The following ITGA9 variants were observed in gnomAD, a reference collection of about 807,000 sequenced individuals.
ITGA9 encodes the protein integrin subunit alpha 9, also known as integrin alpha-9.
ITGA9 carries 56 observed loss-of-function variants against 127.8 expected under a neutral mutation model. The observed-to-expected ratio is 0.44, with a 90% CI of 0.35 to 0.55. The LOEUF (loss-of-function observed/expected upper bound fraction) is 0.55. Ranked by LOEUF, ITGA9 falls within the 20% of genes least tolerant of loss-of-function variation. ITGA9 has a pLI of 0.00. For synonymous variants in ITGA9, 508 were observed against 514.5 expected (o/e 0.99, Z 0.17); for missense variants, 1,196 against 1,347.1 (o/e 0.89, Z 1.76).
chr3:37,641,704 A>G (rs1700335698), intron 16 of ITGA9, among the ~76,000 whole-genome samples: 2 of 152,116 alleles, frequency 1.3e-5, no homozygotes, highest in South Asian at 4.2e-4. Context: ...AAGGCCCACG[A>G]GAGCCTGTAC....
intron 23 of ITGA9, among the ~76,000 whole-genome samples, chr3:37,772,952 G>A (rs1696861658): frequency 1.3e-5 from 2 of 152,172 alleles, no homozygotes; most frequent in Admixed American, 1.3e-4. Context: ...CCCGGCGGGA[G>A]ACAGAAACTA....
At chr3:37,496,011 G>A (rs1698724069) in intron 5 of ITGA9, among the ~76,000 whole-genome samples, 1 of 152,176 alleles carries the variant, frequency 6.6e-6, no homozygotes, top group Admixed American at 6.5e-5. Flanking sequence ...AGAGCAGAGA[G>A]CTGGGGAAGG....
At chr3:37,526,954 G>GTTA (rs1699099649) in intron 13 of ITGA9, among the ~76,000 whole-genome samples, 1 of 152,206 alleles carries the variant, frequency 6.6e-6, no homozygotes, top group Non-Finnish European at 1.5e-5. Flanking sequence ...AAGGGAACCA[G>GTTA]CTTGCCCCGG....
In ITGA9 at chr3:37,467,623, C is replaced by T. The variant is rs565849097; in HGVS notation, c.186-3384C>T. ...TTTCTTGCAGCCTTTTCCCTTCCCT[C>T]GGACGTGATGAATTCTCACTCTTGT... On this transcript the variant is annotated intron_variant, in intron 1 of 27. Coordinates refer to ENST00000264741, the MANE Select transcript of ITGA9 (RefSeq NM_002207.3). Among the ~76,000 whole-genome samples, 225 of 152,272 alleles carry T rather than the reference C, an allele frequency of 1.5e-3. 1 individual carries two copies. Among genetic ancestry groups the T allele is most frequent in the African/African-American group, 5.1e-3 (213 of 41,548 alleles).
At chr3:37,505,400 C>T (rs540896564) in intron 6 of ITGA9, among the ~76,000 whole-genome samples, 1 of 152,302 alleles carries the variant, frequency 6.6e-6, no homozygotes, top group South Asian at 2.1e-4. Context: ...AAACATATGA[C>T]ATATTTATAT....
chr3:37,596,231 G>C (rs2125617936), intron 15 of ITGA9, among the ~76,000 whole-genome samples: 1 of 152,258 alleles, frequency 6.6e-6, no homozygotes, highest in South Asian at 2.1e-4. Flanking sequence ...TCTAAATCCT[G>C]AGTCAAGATG....
intron 7 of ITGA9, among the ~76,000 whole-genome samples, 190 bp downstream of exon 7, chr3:37,506,275 A>G (rs1431084973): frequency 1.3e-5 from 2 of 152,018 alleles, no homozygotes; most frequent in South Asian, 2.1e-4. Context: ...TTAGAGTGTG[A>G]GTATACTCAC....
chr3:37,572,653 C>T (rs1057318669), intron 15 of ITGA9, among the ~76,000 whole-genome samples: 4 of 152,156 alleles, frequency 2.6e-5, no homozygotes, highest in Non-Finnish European at 4.4e-5. Flanking sequence ...CATCCAAAGA[C>T]GTCTCATACT....
chr3:37,790,397 G>A, intron 26 of ITGA9: 7 of 472,382 alleles, frequency 1.5e-5, no homozygotes, highest in South Asian at 8.0e-5. Context: ...CATTCTGCTC[G>A]GTTCTCTCGG....
In ITGA9 at chr3:37,814,058, TTTGAGAAAAA is replaced by T. The variant is rs1288309021; in HGVS notation, c.3010-4826_3010-4817del. Among the ~76,000 whole-genome samples, 1 of 152,174 alleles carries T rather than the reference TTTGAGAAAAA, an allele frequency of 6.6e-6. No individual in the cohort carries two copies. Among genetic ancestry groups the T allele is most frequent in the Non-Finnish European group, 1.5e-5 (1 of 68,006 alleles). On this transcript the variant is annotated intron_variant, in intron 27 of 27. Coordinates refer to ENST00000264741, the MANE Select transcript of ITGA9 (RefSeq NM_002207.3). This position sits in a 1 kb window ranked among gnomAD's most constrained non-coding sequence, Gnocchi z 4.3. ...ATTTTCAAAAAATTTCTCAAAAATC[TTTGAGAAAAA>T]TTGAGATGGGACAAAGACTCTGTGC...
intron 15 of ITGA9, among the ~76,000 whole-genome samples, chr3:37,607,615 C>T (rs752856103): frequency 3.3e-5 from 5 of 152,166 alleles, no homozygotes; most frequent in Non-Finnish European, 7.3e-5. Context: ...TGACATTCTA[C>T]ATGGCAAAAG....
chr3:37,611,853 G>T (rs987315012), intron 15 of ITGA9, among the ~76,000 whole-genome samples: 7 of 152,014 alleles, frequency 4.6e-5, no homozygotes, highest in Non-Finnish European at 1.0e-4. Flanking sequence ...ACTGCATGGA[G>T]CCCAGAGAGC....
rs1447890950 is a variant in ITGA9 at position 37,783,466 on chromosome 3, CCTCAGCTAGGA to C, written c.2788-1508_2788-1498del. ...AAGTGATCTTCCTGCCTCAGCTAGTCCTCAGCTAGGACTGCAGGCACATGCTACCATGACAG... is the reference window on the plus strand; with the variant it reads ...AAGTGATCTTCCTGCCTCAGCTAGTCCTGCAGGCACATGCTACCATGACAG... On this transcript the variant is annotated intron_variant, in intron 25 of 27. Coordinates refer to ENST00000264741, the MANE Select transcript of ITGA9 (RefSeq NM_002207.3). 2.0e-5 allele frequency among the ~76,000 whole-genome samples: 3 copies of C among 152,222 alleles called. No individual in the cohort carries two copies. The East Asian group carries it at 5.8e-4, about 29-fold the overall frequency.
intron 15 of ITGA9, among the ~76,000 whole-genome samples, chr3:37,610,407 GA>G (rs1454250022): frequency 6.6e-6 from 1 of 152,194 alleles, no homozygotes; most frequent in Non-Finnish European, 1.5e-5. Flanking sequence ...AAATGAAAAG[GA>G]AATATGATCA....
At chr3:37,576,127 AG>A (rs1699652101) in intron 15 of ITGA9, among the ~76,000 whole-genome samples, 1 of 152,170 alleles carries the variant, frequency 6.6e-6, no homozygotes, top group Non-Finnish European at 1.5e-5. Context: ...CCAGAGACAC[AG>A]GGGTAAACAG....
intron 1 of ITGA9, among the ~76,000 whole-genome samples, chr3:37,456,717 A>G (rs1698262825): frequency 6.6e-6 from 1 of 152,232 alleles, no homozygotes; most frequent in Non-Finnish European, 1.5e-5. Flanking sequence ...AAGTTGTCAG[A>G]GTGTTGTTCA....
chr3:37,599,877 T>C (rs1008652929), intron 15 of ITGA9, among the ~76,000 whole-genome samples: 1 of 152,186 alleles, frequency 6.6e-6, no homozygotes, highest in Non-Finnish European at 1.5e-5. Context: ...GAAAATGTAG[T>C]CTCTGTAGGT....
intron 23 of ITGA9, chr3:37,753,964 C>T (rs1253254795): frequency 6.6e-6 from 1 of 152,188 alleles, no homozygotes; most frequent in Non-Finnish European, 1.5e-5. Flanking sequence ...AGCCAGACAG[C>T]TTATGGGAGG....
rs572245281 is a variant in ITGA9 at position 37,820,021 on chromosome 3, C to G, written c.*1032C>G. On this transcript the variant is annotated 3_prime_UTR_variant, in exon 28 of 28. Transcript: ENST00000264741. ...CTAGTGGTGATTGCAGATTCCTTCC[C>G]AGAGAGGACATTTAACCGTTTTAAA... 1 of 152,306 alleles carries G rather than the reference C, an allele frequency of 6.6e-6. No individual in the cohort carries two copies. Among genetic ancestry groups the G allele is most frequent in the South Asian group, 2.1e-4 (1 of 4,830 alleles). The allele number at this position is 152,306 out of a possible 1,614,324, so 9.4% of individuals were successfully genotyped here. A position where few individuals can be genotyped will look rare whatever the true frequency, so the allele number is the denominator to read the frequency against.
Sources: gnomAD v4.1 joint callset for allele counts (sites outside exome capture counted in the v4.1 genomes callset) on GRCh38, gnomAD v4.1.1 for gene constraint, Gnocchi (gnomAD v3.1) non-coding constraint, MANE v1.5 for transcripts, NCBI Gene and HGNC (gene_info 2026-07-23, HGNC 2026-07-21) for gene names.